The following MAJIN variants were observed in gnomAD, a reference collection of about 807,000 sequenced individuals.
The protein encoded by MAJIN is membrane anchored junction protein.
MAJIN carries 27 observed loss-of-function variants against 30.2 expected under a neutral mutation model. That is an observed-to-expected ratio of 0.89 (90% CI 0.66 to 1.23). The LOEUF is 1.23. Ranked by LOEUF, MAJIN falls within the 50% of genes most tolerant of loss-of-function variation. The pLI, the probability that MAJIN is intolerant of heterozygous loss-of-function variation, is 0.00. For missense variants in MAJIN, 253 were observed against 260.3 expected (o/e 0.97, Z 0.19); for synonymous variants, 78 against 91.6 (o/e 0.85, Z 0.85).
At chr11:64,960,523 A>C (rs1945705895) in intron 1 of MAJIN, among the ~76,000 whole-genome samples, 1 of 152,212 alleles carries the variant, frequency 6.6e-6, no homozygotes. Flanking sequence ...TGAATGTTGG[A>C]ATTTGAATTT....
intron 1 of MAJIN, among the ~76,000 whole-genome samples, chr11:64,961,660 T>G (rs994477037): frequency 2.0e-4 from 30 of 149,848 alleles, no homozygotes; most frequent in African/African-American, 6.9e-4. Flanking sequence ...GTATTTTTAG[T>G]AGAGACGGGG....
At chr11:64,957,837 C>A (rs1377644976) in intron 3 of MAJIN, among the ~76,000 whole-genome samples, 1 of 152,174 alleles carries the variant, frequency 6.6e-6, no homozygotes, top group Non-Finnish European at 1.5e-5. Context: ...GCTGGGATTA[C>A]AGGCATGAGC....
intron 1 of MAJIN, among the ~76,000 whole-genome samples, chr11:64,963,251 A>G (rs1945755564): frequency 1.3e-5 from 2 of 152,202 alleles, no homozygotes; most frequent in Admixed American, 1.3e-4. Flanking sequence ...ACAAATTCCA[A>G]CCAAGAACTT....
Position 64,946,220 on chromosome 11 carries a change from T to C in MAJIN, c.473+1154A>G, listed in dbSNP as rs568808422. On this transcript the variant is annotated intron_variant, in intron 8 of 10. Transcript: ENST00000301896. ...GGCAATATCACTACATTCAAGCAAA[T>C]GTGGCCCAAATGAATATTTCAGCAG... The C allele has an allele frequency of 5.3e-5, 77 of 1,456,090 alleles. 1 individual carries two copies. The South Asian group carries it at 9.8e-4, about 18-fold the overall frequency. 90.2% of individuals were successfully genotyped at this position (1,456,090 alleles called of 1,614,324 possible).
intron 1 of MAJIN, among the ~76,000 whole-genome samples, chr11:64,964,237 C>T (rs893160555): frequency 6.6e-6 from 1 of 152,222 alleles, no homozygotes; most frequent in African/African-American, 2.4e-5. Context: ...AGCCACCGCA[C>T]CCAGCCTCCT....
chr11:64,963,728 C>T (rs1565144830), intron 1 of MAJIN, among the ~76,000 whole-genome samples: 1 of 152,246 alleles, frequency 6.6e-6, no homozygotes, highest in Non-Finnish European at 1.5e-5. Context: ...ATCCCAGCTA[C>T]TTGGGAGACT....
intron 8 of MAJIN, among the ~76,000 whole-genome samples, 189 bp from the exon 9 acceptor site, chr11:64,940,835 CTTTTTT>C (rs1168979344): frequency 2.3e-5 from 2 of 88,564 alleles, no homozygotes; most frequent in Admixed American, 1.6e-4. Flanking sequence ...TTTTTTCTTT[CTTTTTT>C]TTTTTTTTTT....
intron 4 of MAJIN, among the ~76,000 whole-genome samples, chr11:64,953,566 G>C (rs1436494686): frequency 2.0e-5 from 3 of 152,192 alleles, no homozygotes; most frequent in African/African-American, 7.2e-5. Context: ...GCCGAGGCTG[G>C]TGGATCACGA....
intron 8 of MAJIN, among the ~76,000 whole-genome samples, chr11:64,941,100 A>G (rs946984505): frequency 6.6e-6 from 1 of 151,782 alleles, no homozygotes; most frequent in Non-Finnish European, 1.5e-5. Context: ...GGCCTCCCAA[A>G]ATGCTGGAAT....
intron 4 of MAJIN, among the ~76,000 whole-genome samples, chr11:64,953,286 T>A (rs1945582814): frequency 6.6e-6 from 1 of 152,094 alleles, no homozygotes; most frequent in Admixed American, 6.6e-5. Flanking sequence ...GAAGTCAAAC[T>A]GTGAATGGCA....
chr11:64,956,357 C>A, intron 3 of MAJIN, among the ~76,000 whole-genome samples: 1 of 151,626 alleles, frequency 6.6e-6, no homozygotes, highest in Admixed American at 6.6e-5. Flanking sequence ...GACGTGGTGG[C>A]GGGCGCCTGT....
At chr11:64,962,767 GAGTATTAT>G (rs1945747200) in intron 1 of MAJIN, among the ~76,000 whole-genome samples, 1 of 152,110 alleles carries the variant, frequency 6.6e-6, no homozygotes, top group Non-Finnish European at 1.5e-5. Context: ...GTAAATTCCA[GAGTATTAT>G]ATAAACGTTA....
intron 3 of MAJIN, among the ~76,000 whole-genome samples, chr11:64,957,124 C>CT (rs1945648723): frequency 6.6e-6 from 1 of 151,752 alleles, no homozygotes; most frequent in Non-Finnish European, 1.5e-5. Context: ...GTTCCCCAGG[C>CT]TGGAGTACAG....
chr11:64,964,491 T>G (rs187618194), intron 1 of MAJIN, among the ~76,000 whole-genome samples: 2 of 152,298 alleles, frequency 1.3e-5, no homozygotes, highest in Admixed American at 1.3e-4. Flanking sequence ...CATTACAACA[T>G]ATCACTCGGT....
chr11:64,957,254 A>AT (rs1360588999), intron 3 of MAJIN, among the ~76,000 whole-genome samples: 2 of 150,704 alleles, frequency 1.3e-5, no homozygotes, highest in African/African-American at 4.9e-5. Context: ...AATTTCTTTT[A>AT]TTTTTTGTAG....
At position 64,954,225 on chromosome 11, in the gene MAJIN, T is replaced by C. The variant is rs535517223; in HGVS notation, c.147+532A>G. 6 of 191,206 alleles carry C rather than the reference T, an allele frequency of 3.1e-5. No individual in the cohort carries two copies. The South Asian group carries it at 5.6e-4, about 18-fold the overall frequency. 11.8% of individuals were successfully genotyped at this position (191,206 alleles called of 1,614,324 possible). On this transcript the variant is annotated intron_variant, in intron 4 of 10. Coordinates refer to ENST00000301896, the MANE Select transcript of MAJIN (RefSeq NM_001037225.3). Reference sequence around the variant, plus strand: ...CTCCTTGTCCATTGCTTCCACCAATTTGTAAAGTTGATCACCTGCTCAGTC... The same window carrying C: ...CTCCTTGTCCATTGCTTCCACCAATCTGTAAAGTTGATCACCTGCTCAGTC...
chr11:64,962,416 G>A (rs1945741906), intron 1 of MAJIN, among the ~76,000 whole-genome samples: 1 of 150,548 alleles, frequency 6.6e-6, no homozygotes, highest in Non-Finnish European at 1.5e-5. Context: ...TTCCAACATT[G>A]AGTACTGTGG....
intron 8 of MAJIN, among the ~76,000 whole-genome samples, chr11:64,941,081 G>T (rs1024328457): frequency 2.0e-5 from 3 of 151,898 alleles, no homozygotes; most frequent in African/African-American, 7.2e-5. Flanking sequence ...CTCATGATCT[G>T]CCTGCCTCGG....
chr11:64,939,577 C>G (rs1945342054), intron 10 of MAJIN, 85 bp downstream of exon 10: 9 of 1,235,510 alleles, frequency 7.3e-6, no homozygotes, highest in African/African-American at 1.5e-5. Context: ...AATCTGCTTT[C>G]TTTTCTATTC....
Sources: gnomAD v4.1 joint callset for allele counts (sites outside exome capture counted in the v4.1 genomes callset) on GRCh38, gnomAD v4.1.1 for gene constraint, MANE v1.5 for transcripts, NCBI Gene and HGNC (gene_info 2026-07-23, HGNC 2026-07-21) for gene names.